The following LRBA variants were observed in gnomAD, a reference collection of about 807,000 sequenced individuals.
The protein encoded by LRBA is LPS responsive beige-like anchor protein, also known as lipopolysaccharide-responsive and beige-like anchor protein.
LRBA carries 176 observed loss-of-function variants against 330.0 expected under a neutral mutation model. The observed-to-expected ratio is 0.53, with a 90% CI of 0.47 to 0.60. The LOEUF (loss-of-function observed/expected upper bound fraction) is 0.60. Among genes scored for constraint, LRBA ranks in the 20% least tolerant of loss-of-function variants. LRBA has a pLI of 0.00. For missense variants in LRBA, 3,259 were observed against 3,444.8 expected, an observed-to-expected ratio of 0.95 and a Z score of 1.35; for synonymous variants, 1,230 against 1,193.0, an observed-to-expected ratio of 1.03 and a Z score of -0.64.
intron 50 of LRBA, 151 bp from the exon 51 acceptor site, chr4:150,315,774 C>G: frequency 1.7e-6 from 1 of 584,564 alleles, no homozygotes; most frequent in Non-Finnish European, 3.0e-6. Context: ...AATCCAGGTG[C>G]TTTTATGGCT....
At chr4:150,389,075 CAAG>C (rs1407807291) in intron 47 of LRBA, among the ~76,000 whole-genome samples, 1 of 152,092 alleles carries the variant, frequency 6.6e-6, no homozygotes, top group African/African-American at 2.4e-5. Flanking sequence ...AAGAAAACAT[CAAG>C]AAGAATGAGT....
At chr4:150,726,611 C>A (rs1359679565) in intron 36 of LRBA, among the ~76,000 whole-genome samples, 1 of 152,084 alleles carries the variant, frequency 6.6e-6, no homozygotes, top group African/African-American at 2.4e-5. Flanking sequence ...GAAACTGGCA[C>A]CTTCTTCACA....
At position 150,552,079 on chromosome 4, in the gene LRBA, C is replaced by T. The variant is rs61451642; in HGVS notation, c.6330+35969G>A. 1.2e-3 allele frequency among the ~76,000 whole-genome samples: 183 copies of T among 152,182 alleles called. 3 individuals carry two copies. The highest frequency in any genetic ancestry group is 4.1e-3 in the African/African-American group (172 of 41,528). On this transcript the variant is annotated intron_variant, in intron 40 of 56. Transcript: ENST00000651943. Reference sequence around the variant, plus strand: ...TGCACAGTACACAATAAGGTTCGCACCCCTATGAAAATCTAATGCCACAGC... The same window carrying T: ...TGCACAGTACACAATAAGGTTCGCATCCCTATGAAAATCTAATGCCACAGC...
At chr4:150,758,618 G>T (rs189366841) in intron 35 of LRBA, among the ~76,000 whole-genome samples, 1 of 149,336 alleles carries the variant, frequency 6.7e-6, no homozygotes, top group Admixed American at 6.6e-5. Flanking sequence ...CTACTGCCCA[G>T]GATGGAGTGA....
intron 47 of LRBA, among the ~76,000 whole-genome samples, chr4:150,361,481 C>T (rs1025393972): frequency 6.6e-6 from 1 of 152,082 alleles, no homozygotes; most frequent in Non-Finnish European, 1.5e-5. Context: ...CCAGTGTATG[C>T]TCATCTTTTC....
chr4:150,455,616 A>G (rs1161445642), intron 44 of LRBA, among the ~76,000 whole-genome samples: 1 of 152,152 alleles, frequency 6.6e-6, no homozygotes, highest in Non-Finnish European at 1.5e-5. Context: ...TAATAATACC[A>G]TGTAAAATCA....
chr4:150,596,908 A>G (rs1773553022), intron 38 of LRBA, among the ~76,000 whole-genome samples: 1 of 151,578 alleles, frequency 6.6e-6, no homozygotes. Flanking sequence ...GTGTTTTTTT[A>G]AAAAATGTTA....
rs1249842283 is a variant in LRBA at position 150,675,554 on chromosome 4, T to C, written c.5921+7997A>G. ...GAACATGGTGAAACCCCGTCTCTAC[T>C]ACAAATACAAAAAATCAGCCAGGTG... On this transcript the variant is annotated intron_variant, in intron 37 of 56. Transcript: ENST00000651943. Among the ~76,000 whole-genome samples, 3 of 151,780 alleles carry C rather than the reference T, an allele frequency of 2.0e-5. No individual in the cohort carries two copies. The East Asian group carries it at 5.8e-4, about 30-fold the overall frequency.
chr4:150,405,299 C>G (rs1746032406), intron 47 of LRBA, among the ~76,000 whole-genome samples: 1 of 152,114 alleles, frequency 6.6e-6, no homozygotes, highest in South Asian at 2.1e-4. Context: ...ACAGAAAAGG[C>G]TATTTAAGAT....
chr4:150,365,161 C>T (rs1345789060), intron 47 of LRBA, among the ~76,000 whole-genome samples: 1 of 151,934 alleles, frequency 6.6e-6, no homozygotes, highest in Non-Finnish European at 1.5e-5. Flanking sequence ...AGCATGCCAC[C>T]ACACCCGGCG....
intron 37 of LRBA, among the ~76,000 whole-genome samples, chr4:150,670,893 A>ATT (rs1422072508): frequency 6.6e-6 from 1 of 152,144 alleles, no homozygotes; most frequent in African/African-American, 2.4e-5. Context: ...TAGGATACAT[A>ATT]TAAAGGAATT....
At chr4:150,474,341 TACAATTACCAC>T (rs1434058229) in intron 42 of LRBA, among the ~76,000 whole-genome samples, 2 of 152,190 alleles carry the variant, frequency 1.3e-5, no homozygotes, top group Non-Finnish European at 2.9e-5. Context: ...CCGATCTTTG[TACAATTACCAC>T]AATTGAAGAC....
chr4:151,006,586 T>A (rs1476217427), intron 2 of LRBA, among the ~76,000 whole-genome samples: 2 of 152,084 alleles, frequency 1.3e-5, no homozygotes, highest in Non-Finnish European at 2.9e-5. Flanking sequence ...CAAGAATATG[T>A]GTGTGAAAAG....
intron 46 of LRBA, among the ~76,000 whole-genome samples, chr4:150,431,816 T>C (rs968767077): frequency 6.6e-6 from 1 of 152,008 alleles, no homozygotes; most frequent in African/African-American, 2.4e-5. Flanking sequence ...AAAACCATCA[T>C]TGAGAGGTCA....
intron 37 of LRBA, chr4:150,679,638 C>T (rs1380427661): frequency 6.6e-6 from 1 of 152,196 alleles, no homozygotes; most frequent in Non-Finnish European, 1.5e-5. Context: ...GGAAGAGACG[C>T]CTCTAGCTTG....
intron 47 of LRBA, among the ~76,000 whole-genome samples, chr4:150,386,167 T>C (rs999145518): frequency 6.6e-6 from 1 of 152,078 alleles, no homozygotes; most frequent in African/African-American, 2.4e-5. Context: ...TTTGGCATCA[T>C]AATAATCAAA....
At chr4:150,278,691 A>G (rs912847878) in intron 55 of LRBA, among the ~76,000 whole-genome samples, 1 of 152,218 alleles carries the variant, frequency 6.6e-6, no homozygotes, top group African/African-American at 2.4e-5. Context: ...ATGGGCATCC[A>G]TGAATGAAAG....
intron 56 of LRBA, among the ~76,000 whole-genome samples, chr4:150,274,245 G>A (rs764323667): frequency 1.3e-5 from 2 of 151,806 alleles, no homozygotes; most frequent in Non-Finnish European, 2.9e-5. Context: ...AAATAAAGAT[G>A]TTACTTGAAA....
chr4:150,902,830 T>C (rs548362209), intron 13 of LRBA, among the ~76,000 whole-genome samples: 2 of 152,184 alleles, frequency 1.3e-5, no homozygotes, highest in Non-Finnish European at 2.9e-5. Flanking sequence ...GCAGTGGAAG[T>C]GGTGGGATTC....
Sources: gnomAD v4.1 joint callset for allele counts (sites outside exome capture counted in the v4.1 genomes callset) on GRCh38, gnomAD v4.1.1 for gene constraint, MANE v1.5 for transcripts, NCBI Gene and HGNC (gene_info 2026-07-23, HGNC 2026-07-21) for gene names.